Variants in APH1B observed in about 807,000 individuals in gnomAD.
APH1B encodes aph-1B gamma-secretase subunit, also known as gamma-secretase subunit APH-1B.
In APH1B, 27 loss-of-function variants were observed where a neutral mutation model predicts 28.2. That is an observed-to-expected ratio of 0.96 (90% CI 0.70 to 1.32). The LOEUF (loss-of-function observed/expected upper bound fraction) is 1.32, where lower values mean the gene tolerates loss of function less well. Ranked by LOEUF, APH1B falls within the 40% of genes most tolerant of loss-of-function variation. The pLI, the probability that APH1B is intolerant of heterozygous loss-of-function variation, is 0.00. For synonymous variants in APH1B, 141 were observed against 124.6 expected (o/e 1.13, Z -0.88); for missense variants, 305 against 313.6 (o/e 0.97, Z 0.21).
At position 63,302,557 on chromosome 15, in the gene APH1B, C is replaced by G. The variant is rs114131584; in HGVS notation, c.606+85C>G. On this transcript the variant is annotated intron_variant, in intron 5 of 5. Transcript: ENST00000261879. ...GGTAAATTCTACTCTAGATGAAATA[C>G]ACGCTCATGAGAACATGAGGAAATT... 6.0e-4 allele frequency: 890 copies of G among 1,483,330 alleles called. 6 individuals are homozygous for G. The African/African-American group carries it at 0.011, about 18-fold the overall frequency. 91.9% of individuals were successfully genotyped at this position (1,483,330 alleles called of 1,614,324 possible). A position where few individuals can be genotyped will look rare whatever the true frequency, so the allele number is the denominator to read the frequency against.
intron 4 of APH1B, among the ~76,000 whole-genome samples, chr15:63,294,892 A>G (rs2038547553): frequency 6.6e-6 from 1 of 152,228 alleles, no homozygotes; most frequent in Non-Finnish European, 1.5e-5. Flanking sequence ...CTGACTTCTT[A>G]TCAGAAATTC....
At chr15:63,302,629 C>T (rs2038644863) in intron 5 of APH1B, 157 bp downstream of exon 5, 1 of 956,434 alleles carries the variant, frequency 1.0e-6, no homozygotes, top group Non-Finnish European at 1.4e-6. Context: ...AGTCTTACCA[C>T]AAAAAGACCA....
At chr15:63,286,282 CTT>C (rs1310797359) in intron 2 of APH1B, among the ~76,000 whole-genome samples, 1 of 152,168 alleles carries the variant, frequency 6.6e-6, no homozygotes, top group African/African-American at 2.4e-5. Flanking sequence ...CGGTTTTTAT[CTT>C]TTTAAATTCA....
Position 63,308,602 on chromosome 15 carries a change from G to C in APH1B, c.*2821G>C, listed in dbSNP as rs2038710984. On this transcript the variant is annotated 3_prime_UTR_variant, in exon 6 of 6. Transcript: ENST00000261879. ...TAGCATGGATGCAGAATAAGCAGTT[G>C]GGAGAGAAGCTTCTTCCTACCTGGT... The C allele has an allele frequency of 6.6e-6, 1 of 152,214 alleles. No homozygotes were observed. The highest frequency in any genetic ancestry group is 6.5e-5 in the Admixed American group (1 of 15,268). 9.4% of individuals were successfully genotyped at this position (152,214 alleles called of 1,614,324 possible).
At chr15:63,294,489 C>T (rs1009160656) in intron 4 of APH1B, among the ~76,000 whole-genome samples, 18 of 152,212 alleles carry the variant, frequency 1.2e-4, no homozygotes, top group African/African-American at 4.3e-4. Context: ...GTTCACTTTT[C>T]CCCCTTTCCA....
chr15:63,286,769 C>T, intron 3 of APH1B, 141 bp downstream of exon 3: 2 of 726,380 alleles, frequency 2.8e-6, no homozygotes, highest in Non-Finnish European at 4.3e-6. Context: ...TGCTTATTAT[C>T]CCCGTCTTCC....
At chr15:63,280,105 A>C (rs2038370070) in intron 2 of APH1B, among the ~76,000 whole-genome samples, 1 of 152,204 alleles carries the variant, frequency 6.6e-6, no homozygotes, top group South Asian at 2.1e-4. Flanking sequence ...GCCAAGATAA[A>C]TAATTCTTAT....
At position 63,302,392 on chromosome 15, in the gene APH1B, G is replaced by A. The variant is rs200752222; in HGVS notation, c.526G>A (p.Val176Ile). 1.2e-5 allele frequency: 20 copies of A among 1,614,104 alleles called. No homozygotes were observed. Among genetic ancestry groups the A allele is most frequent in the Non-Finnish European group, 1.7e-5 (20 of 1,180,002 alleles). Residue 176 changes from valine (V) to isoleucine (I), a missense_variant, in exon 5 of 6, where the codon GTA becomes ATA. By Grantham distance (29) the Val-to-Ile change is conservative. Transcript: ENST00000261879. Reference sequence around the variant, plus strand: ...CTTGCTGCATGTATTCTGGGGCATTGTATTTTTTGATGGCTGTGAGAAGAA... The same window carrying A: ...CTTGCTGCATGTATTCTGGGGCATTATATTTTTTGATGGCTGTGAGAAGAA... ...IILLHVFWGIVFFDGCEKKKW... is the reference protein window; with the variant it reads ...IILLHVFWGIIFFDGCEKKKW...
At chr15:63,286,452 C>A (rs1404774547) in intron 2 of APH1B, 106 bp from the exon 3 acceptor site, 2 of 869,172 alleles carry the variant, frequency 2.3e-6, no homozygotes, top group Non-Finnish European at 3.5e-6. Context: ...GATGCAAAGC[C>A]TCAGTGAGTA....
At chr15:63,299,077 C>T (rs576504008) in intron 4 of APH1B, among the ~76,000 whole-genome samples, 4 of 152,180 alleles carry the variant, frequency 2.6e-5, no homozygotes, top group African/African-American at 9.6e-5. Flanking sequence ...AAAAGAAAAC[C>T]AGAGGTATAG....
chr15:63,303,875 A>C (rs1267443656), intron 5 of APH1B, among the ~76,000 whole-genome samples: 5 of 2,198 alleles, frequency 2.3e-3, no homozygotes, highest in East Asian at 0.026. Flanking sequence ...CACACACACA[A>C]CACACACACA....
At chr15:63,296,505 T>C (rs1318410491) in intron 4 of APH1B, among the ~76,000 whole-genome samples, 1 of 152,088 alleles carries the variant, frequency 6.6e-6, no homozygotes, top group Non-Finnish European at 1.5e-5. Flanking sequence ...GCAATTGCTG[T>C]CTTAGGCCAT....
intron 4 of APH1B, among the ~76,000 whole-genome samples, chr15:63,297,698 T>C (rs2038582033): frequency 6.6e-6 from 1 of 152,220 alleles, no homozygotes; most frequent in African/African-American, 2.4e-5. Context: ...TGGAATTTGT[T>C]CCTTTTACTA....
chr15:63,278,243 A>G (rs1595757379), intron 1 of APH1B: 1 of 65,554 alleles, frequency 1.5e-5, no homozygotes, highest in South Asian at 1.6e-4. Context: ...CGGGCTTCAG[A>G]AAAAAAAAAA....
At position 63,304,396 on chromosome 15, in the gene APH1B, G is replaced by T. The variant is rs369946908; in HGVS notation, c.607-1218G>T. On this transcript the variant is annotated intron_variant, in intron 5 of 5. Coordinates refer to ENST00000261879, the MANE Select transcript of APH1B (RefSeq NM_031301.4). This position sits in a 1 kb window ranked among gnomAD's most constrained non-coding sequence, Gnocchi z 5.1. Reference sequence around the variant, plus strand: ...GTCTTCAGATGTTTATTGGCCATTCGGATAATTCTTTTTGAAGTGCCTGTT... The same window carrying T: ...GTCTTCAGATGTTTATTGGCCATTCTGATAATTCTTTTTGAAGTGCCTGTT... 6.6e-6 allele frequency among the ~76,000 whole-genome samples: 1 copy of T among 152,082 alleles called. No homozygotes were observed. The highest frequency in any genetic ancestry group is 1.5e-5 in the Non-Finnish European group (1 of 68,012).
chr15:63,286,736 C>A, intron 3 of APH1B, 108 bp downstream of exon 3: 1 of 1,040,624 alleles, frequency 9.6e-7, no homozygotes, highest in Non-Finnish European at 1.4e-6. Context: ...TTATTACTGC[C>A]TTGGCCTATT....
chr15:63,307,169 G>A lies in APH1B; in HGVS notation c.*1388G>A, dbSNP rs1299194942. ...AAGAGAGGAGCAGCAATCCTGAGGG[G>A]CTGGGGGAGTGACAGTGGCAGGACG... On this transcript the variant is annotated 3_prime_UTR_variant, in exon 6 of 6. Transcript: ENST00000261879. 6.6e-6 allele frequency: 1 copy of A among 152,304 alleles called. No homozygotes were observed. Among genetic ancestry groups the A allele is most frequent in the Admixed American group, 6.5e-5 (1 of 15,278 alleles). 9.4% of individuals were successfully genotyped at this position (152,304 alleles called of 1,614,324 possible). A position where few individuals can be genotyped will look rare whatever the true frequency, so the allele number is the denominator to read the frequency against.
rs781192914 is a variant in APH1B, at chr15:63,302,438, T to G, written c.572T>G (p.Ile191Ser). 2 of 1,614,074 alleles carry G rather than the reference T, an allele frequency of 1.2e-6. No homozygotes were observed. Among genetic ancestry groups the G allele is most frequent in the Non-Finnish European group, 1.7e-6 (2 of 1,179,994 alleles). The stretch of plus-strand genomic sequence containing the variant: ...AAGAAAAAGTGGGGCATCCTCCTTA[T>G]CGTTCTCCTGACCCACCTGCTGGTG... ...CEKKKWGILL[I>S]VLLTHLLVSA... Residue 191 changes from isoleucine (I) to serine (S), a missense_variant, in exon 5 of 6, where the codon ATC becomes AGC. Ile to Ser is a moderately radical substitution (Grantham distance 142, BLOSUM62 -2). Transcript: ENST00000261879.
chr15:63,302,332 G>T lies in APH1B; in HGVS notation c.479-13G>T. ...ACCTGTAGGAGTGACACTAATGGTC[G>T]GCTCTCTTTCAGCTTTCATGACGCT... On this transcript the variant is annotated splice_polypyrimidine_tract_variant and intron_variant, in intron 4 of 5. Transcript: ENST00000261879. 1 of 1,613,006 alleles carries T rather than the reference G, an allele frequency of 6.2e-7. No individual in the cohort carries two copies. The highest frequency in any genetic ancestry group is 8.5e-7 in the Non-Finnish European group (1 of 1,179,568).
Sources: allele counts gnomAD v4.1 joint callset (sites outside exome capture counted in the v4.1 genomes callset), GRCh38; gene constraint gnomAD v4.1.1; non-coding constraint Gnocchi (gnomAD v3.1); transcripts MANE v1.5; gene names NCBI Gene and HGNC (gene_info 2026-07-23, HGNC 2026-07-21).